The following CSMD1 variants were observed in gnomAD, a reference collection of about 807,000 sequenced individuals.
CSMD1 encodes CUB and sushi domain-containing protein 1.
CSMD1 carries 213 observed loss-of-function variants against 417.5 expected under a neutral mutation model. The observed-to-expected ratio is 0.51, with a 90% CI of 0.46 to 0.57. The LOEUF (loss-of-function observed/expected upper bound fraction) is 0.57, where lower values mean the gene tolerates loss of function less well. Among genes scored for constraint, CSMD1 ranks in the 20% least tolerant of loss-of-function variants. The pLI, the probability that CSMD1 is intolerant of heterozygous loss-of-function variation, is 0.00. For missense variants in CSMD1, 6,923 were observed against 4,529.7 expected (o/e 1.53, Z -15.17); for synonymous variants, 2,862 against 1,736.8 (o/e 1.65, Z -16.11).
intron 1 of CSMD1, among the ~76,000 whole-genome samples, chr8:4,672,940 A>G (rs1485439533): frequency 6.6e-6 from 1 of 152,280 alleles, no homozygotes; most frequent in African/African-American, 2.4e-5. Context: ...ACATGCATAC[A>G]TGGTGACACG....
At chr8:3,861,071 T>C (rs544590278) in intron 5 of CSMD1, among the ~76,000 whole-genome samples, 12 of 152,176 alleles carry the variant, frequency 7.9e-5, no homozygotes, top group Non-Finnish European at 1.5e-4. Context: ...TTTTTCAGTA[T>C]CAGCTGTAAT....
In CSMD1 at chr8:4,802,266, C is replaced by T. The variant is rs566494198; in HGVS notation, c.86-164708G>A. On this transcript the variant is annotated intron_variant, in intron 1 of 69. Transcript: ENST00000635120. Reference sequence around the variant, plus strand: ...GCCCTTTTCCCTTTTCCTCTGCCTGCCTCAGCCAAGGCTTCGTGGTTTCAG... The same window carrying T: ...GCCCTTTTCCCTTTTCCTCTGCCTGTCTCAGCCAAGGCTTCGTGGTTTCAG... Among the ~76,000 whole-genome samples the T allele has an allele frequency of 4.9e-4, 75 of 152,228 alleles. 2 individuals carry two copies. The Middle Eastern group carries it at 0.017, about 35-fold the overall frequency.
intron 1 of CSMD1, among the ~76,000 whole-genome samples, chr8:4,979,761 C>T (rs1028406449): frequency 7.2e-5 from 11 of 152,108 alleles, no homozygotes; most frequent in East Asian, 3.9e-4. Context: ...TAGTTGGCCA[C>T]GCGTGGTGGC....
intron 3 of CSMD1, among the ~76,000 whole-genome samples, chr8:4,312,397 A>G (rs78877176): frequency 2.0e-5 from 2 of 97,936 alleles, no homozygotes; most frequent in African/African-American, 2.1e-4. Context: ...ATATATACAT[A>G]CATATATATG....
rs543266332 is a variant in CSMD1, at chr8:4,429,673, G to A, written c.303-9608C>T. On this transcript the variant is annotated intron_variant, in intron 2 of 69. Transcript: ENST00000635120. The stretch of plus-strand genomic sequence containing the variant: ...GCCCTTCATGCTGGGTACCCCAAGA[G>A]ATGGACCCCAATACCCCAAAAGAAC... Among the ~76,000 whole-genome samples, 97 of 152,192 alleles carry A rather than the reference G, an allele frequency of 6.4e-4. 3 individuals are homozygous for A. The South Asian group carries it at 0.013, about 21-fold the overall frequency.
At chr8:4,985,341 A>G (rs1584953571) in intron 1 of CSMD1, among the ~76,000 whole-genome samples, 1 of 148,582 alleles carries the variant, frequency 6.7e-6, no homozygotes, top group African/African-American at 2.5e-5. Flanking sequence ...ACAAAACTTC[A>G]TATCCTGCAC....
At chr8:3,258,397 C>A (rs1308227400) in intron 26 of CSMD1, among the ~76,000 whole-genome samples, 1 of 152,036 alleles carries the variant, frequency 6.6e-6, no homozygotes, top group Non-Finnish European at 1.5e-5. Flanking sequence ...AATGAGATAC[C>A]ATCTCACACC....
At chr8:4,896,323 T>A (rs1804477298) in intron 1 of CSMD1, among the ~76,000 whole-genome samples, 3 of 152,130 alleles carry the variant, frequency 2.0e-5, no homozygotes, top group Admixed American at 2.0e-4. Flanking sequence ...TTTCAATATT[T>A]AATTCACACT....
intron 5 of CSMD1, among the ~76,000 whole-genome samples, chr8:3,811,500 G>C (rs1161393915): frequency 6.6e-6 from 1 of 152,108 alleles, no homozygotes; most frequent in Non-Finnish European, 1.5e-5. Context: ...CCTGTTGAGA[G>C]TTTTAGCAGA....
chr8:4,422,955 A>G (rs893522250), intron 2 of CSMD1, among the ~76,000 whole-genome samples: 1 of 151,974 alleles, frequency 6.6e-6, no homozygotes, highest in Non-Finnish European at 1.5e-5. Context: ...TATGTAGAAA[A>G]AAACATTTGA....
At position 4,347,708 on chromosome 8, in the gene CSMD1, C is replaced by G. The variant is rs1048548950; in HGVS notation, c.415+72245G>C. ...CTATTACTACAAACATCCCTTCTATCTCCTGTAGCACGTAACTCAATTCTG... is the reference window on the plus strand; with the variant it reads ...CTATTACTACAAACATCCCTTCTATGTCCTGTAGCACGTAACTCAATTCTG... On this transcript the variant is annotated intron_variant, in intron 3 of 69. Transcript: ENST00000635120. Among the ~76,000 whole-genome samples, 50 of 152,132 alleles carry G rather than the reference C, an allele frequency of 3.3e-4. 1 individual carries two copies. Among genetic ancestry groups the G allele is most frequent in the Non-Finnish European group, 1.0e-4 (7 of 68,022 alleles).
intron 1 of CSMD1, among the ~76,000 whole-genome samples, chr8:4,846,956 G>A (rs1001845895): frequency 3.3e-5 from 5 of 152,082 alleles, no homozygotes; most frequent in African/African-American, 9.6e-5. Context: ...AAAAGATTAT[G>A]TAGTGATTTT....
Position 4,472,377 on chromosome 8 carries a change from A to C in CSMD1, c.303-52312T>G, listed in dbSNP as rs935881172. On this transcript the variant is annotated intron_variant, in intron 2 of 69. Coordinates refer to ENST00000635120, the MANE Select transcript of CSMD1 (RefSeq NM_033225.6). ...TTATTTCATCCATCACTTGATCTGTAGTAACAGTGCTTCACTGTAGTCTCT... is the reference window on the plus strand; with the variant it reads ...TTATTTCATCCATCACTTGATCTGTCGTAACAGTGCTTCACTGTAGTCTCT... Among the ~76,000 whole-genome samples the C allele has an allele frequency of 2.6e-5, 4 of 152,258 alleles. No homozygotes were observed. In the East Asian group the frequency reaches 7.7e-4, roughly 29 times the overall value.
At chr8:4,392,172 T>G (rs1322529969) in intron 3 of CSMD1, among the ~76,000 whole-genome samples, 3 of 152,202 alleles carry the variant, frequency 2.0e-5, no homozygotes, top group Non-Finnish European at 4.4e-5. Flanking sequence ...GCATTTTTGT[T>G]TCAACGTGCT....
intron 30 of CSMD1, among the ~76,000 whole-genome samples, chr8:3,213,775 G>A (rs558460941): frequency 2.0e-5 from 3 of 150,790 alleles, no homozygotes; most frequent in South Asian, 2.1e-4. Flanking sequence ...ATATGTGTGT[G>A]TGTATGTATA....
At chr8:4,777,051 C>A (rs11136769) in intron 1 of CSMD1, among the ~76,000 whole-genome samples, 47,001 of 152,002 alleles carry the variant, frequency 0.31, 8,393 homozygotes, top group Admixed American at 0.45. Context: ...ATGGTGAACT[C>A]CAGCCTGTAT....
chr8:4,202,517 T>C (rs1799719198), intron 3 of CSMD1, among the ~76,000 whole-genome samples: 2 of 152,202 alleles, frequency 1.3e-5, no homozygotes, highest in South Asian at 4.1e-4. Flanking sequence ...ACTTTTATAC[T>C]TAAAAATTTA....
chr8:4,278,459 A>AT (rs1192795405), intron 3 of CSMD1, among the ~76,000 whole-genome samples: 2 of 152,230 alleles, frequency 1.3e-5, no homozygotes, highest in Non-Finnish European at 2.9e-5. Context: ...ATAAAATATA[A>AT]TTTTTTAACA....
chr8:2,942,883 C>G (rs570361384), intron 68 of CSMD1, among the ~76,000 whole-genome samples: 2 of 152,094 alleles, frequency 1.3e-5, no homozygotes, highest in African/African-American at 2.4e-5. Flanking sequence ...TCCTGACTTT[C>G]GTTTATAGTT....
Sources: allele counts gnomAD v4.1 joint callset (sites outside exome capture counted in the v4.1 genomes callset), GRCh38; gene constraint gnomAD v4.1.1; transcripts MANE v1.5; gene names NCBI Gene and HGNC (gene_info 2026-07-23, HGNC 2026-07-21).